The following AGAP3 variants were observed in gnomAD, a reference collection of about 807,000 sequenced individuals.
AGAP3 encodes the protein arf-GAP with GTPase, ANK repeat and PH domain-containing protein 3.
Under a neutral mutation model 96.9 loss-of-function variants are expected in AGAP3, and 24 were observed. The ratio of observed to expected loss-of-function variants is 0.25; its 90% confidence interval spans 0.18 to 0.35. The LOEUF is 0.35. AGAP3 is among the 10% of genes least tolerant of loss of function. The pLI, the probability that AGAP3 is intolerant of heterozygous loss-of-function variation, is 1.00. For synonymous variants in AGAP3, 563 were observed against 536.1 expected (o/e 1.05, Z -0.69); for missense variants, 876 against 1,254.2 (o/e 0.70, Z 4.55).
chr7:151,138,454 G>T, intron 12 of AGAP3, 141 bp downstream of exon 12: 2 of 1,000,536 alleles, frequency 2.0e-6, no homozygotes, highest in Non-Finnish European at 2.8e-6. Context: ...GGGCCCTCCT[G>T]GGCTTGTCAG....
rs758476423 is a variant in AGAP3 at position 151,117,409 on chromosome 7, A to G, written c.517A>G (p.Ser173Gly). ...GAAGGAGATTGTGGTGGATGGCCAG[A>G]GTTACCTGCTGCTGATCCGAGATGA... Reference protein sequence around the residue: ...FKKEIVVDGQSYLLLIRDEGG... With the variant: ...FKKEIVVDGQGYLLLIRDEGG... The change falls in exon 4 of 18, where the codon AGT (serine) becomes GGT (glycine). Residue 173 changes from serine to glycine, a missense_variant. Coordinates refer to ENST00000397238, the MANE Select transcript of AGAP3 (RefSeq NM_031946.7). 7 of 1,614,152 alleles carry G rather than the reference A, an allele frequency of 4.3e-6. No individual in the cohort carries two copies. Among genetic ancestry groups the G allele is most frequent in the Non-Finnish European group, 4.2e-6 (5 of 1,180,010 alleles).
In AGAP3 at chr7:151,123,086, G is replaced by A. The variant is rs1357702390; in HGVS notation, c.1129-708G>A. On this transcript the variant is annotated intron_variant, in intron 8 of 17. Coordinates refer to ENST00000397238, the MANE Select transcript of AGAP3 (RefSeq NM_031946.7). ...CGCGACGAGGCCCAGAGGGGCGGGG[G>A]AGTCCAAGCCCGCCCGGCCCGGCTG... 2.5e-6 allele frequency: 3 copies of A among 1,209,680 alleles called. No homozygotes were observed. The East Asian group carries it at 1.4e-4, about 55-fold the overall frequency. 74.9% of individuals were successfully genotyped at this position (1,209,680 alleles called of 1,614,324 possible). A position where few individuals can be genotyped will look rare whatever the true frequency, so the allele number is the denominator to read the frequency against.
chr7:151,116,885 G>A, intron 2 of AGAP3, 34 bp downstream of exon 2: 1 of 1,604,398 alleles, frequency 6.2e-7, no homozygotes, highest in Non-Finnish European at 8.5e-7. Flanking sequence ...CCGGCGGCCT[G>A]GAGCTGGGGG....
At chr7:151,124,426 T>G (rs570252391) in intron 9 of AGAP3, among the ~76,000 whole-genome samples, 4 of 152,254 alleles carry the variant, frequency 2.6e-5, no homozygotes, top group African/African-American at 9.6e-5. Flanking sequence ...ATTCCTGCAG[T>G]GGACACGGCA....
chr7:151,105,633 A>T (rs1401562171), intron 1 of AGAP3, among the ~76,000 whole-genome samples: 2 of 151,256 alleles, frequency 1.3e-5, no homozygotes, highest in Non-Finnish European at 2.9e-5. Context: ...GGCATAGCTG[A>T]CACACACCTG....
intron 8 of AGAP3, chr7:151,120,500 G>A (rs544115800): frequency 1.4e-6 from 1 of 692,854 alleles, no homozygotes; most frequent in Non-Finnish European, 2.4e-6. Context: ...TAACTCCCCT[G>A]ACCCCCTTTG....
intron 9 of AGAP3, chr7:151,128,211 AG>A: frequency 4.5e-6 from 1 of 224,220 alleles, no homozygotes; most frequent in South Asian, 8.0e-5. Context: ...TACACCCCTG[AG>A]CGTCTACTCC....
At chr7:151,110,082 G>C (rs188626823) in intron 1 of AGAP3, among the ~76,000 whole-genome samples, 3 of 152,198 alleles carry the variant, frequency 2.0e-5, no homozygotes, top group Non-Finnish European at 4.4e-5. Context: ...AGGGTGCGCC[G>C]TGCCTTTCAA....
At chr7:151,106,707 C>T (rs1301034686) in intron 1 of AGAP3, among the ~76,000 whole-genome samples, 4 of 152,148 alleles carry the variant, frequency 2.6e-5, no homozygotes, top group Non-Finnish European at 5.9e-5. Flanking sequence ...GAACTCCTGA[C>T]CTCAGGTGAT....
intron 11 of AGAP3, 105 bp downstream of exon 11, chr7:151,134,673 G>A: frequency 8.3e-7 from 1 of 1,199,866 alleles, no homozygotes; most frequent in Non-Finnish European, 1.2e-6. Context: ...CAGGGTGCTG[G>A]CCAGCATCAC....
At position 151,140,360 on chromosome 7, in the gene AGAP3, G is replaced by A. The variant is rs1800771702; in HGVS notation, c.1804+244G>A. The A allele has an allele frequency of 5.6e-6, 2 of 357,264 alleles. No individual in the cohort carries two copies. Among genetic ancestry groups the A allele is most frequent in the Non-Finnish European group, 9.8e-6 (2 of 205,040 alleles). 22.1% of individuals were successfully genotyped at this position (357,264 alleles called of 1,614,324 possible). On this transcript the variant is annotated intron_variant, in intron 13 of 17. Coordinates refer to ENST00000397238, the MANE Select transcript of AGAP3 (RefSeq NM_031946.7). This position sits in a 1 kb window ranked among gnomAD's most constrained non-coding sequence, Gnocchi z 5.4. ...TGGGCTTACTTCATTTATTCTTAAG[G>A]TAAAAGACAGCAGACTGCTACATCA...
At position 151,144,361 on chromosome 7, in the gene AGAP3, T is replaced by C; in HGVS notation, c.*418T>C. On this transcript the variant is annotated 3_prime_UTR_variant, in exon 18 of 18. Coordinates refer to ENST00000397238, the MANE Select transcript of AGAP3 (RefSeq NM_031946.7). The stretch of plus-strand genomic sequence containing the variant: ...GTGAGTCCCATGTAAACTTTGTACA[T>C]TGGAATATTTATGTTTGTGTACATA... The C allele has an allele frequency of 4.6e-6, 1 of 219,206 alleles. No individual in the cohort carries two copies. Among genetic ancestry groups the C allele is most frequent in the Non-Finnish European group, 9.1e-6 (1 of 109,838 alleles). 13.6% of individuals were successfully genotyped at this position (219,206 alleles called of 1,614,324 possible). A position where few individuals can be genotyped will look rare whatever the true frequency, so the allele number is the denominator to read the frequency against.
At position 151,108,185 on chromosome 7, in the gene AGAP3, A is replaced by G. The variant is rs10952302; in HGVS notation, c.332-8608A>G. Among the ~76,000 whole-genome samples, 113,334 of 152,150 alleles carry G rather than the reference A, an allele frequency of 0.74. 42,396 individuals carry two copies. The highest frequency in any genetic ancestry group is 0.98 in the East Asian group (5,076 of 5,174). ...CAGGAGGCCAGATGGGGGACATGCT[A>G]AGGGACCGAGTCTTCGAGGGGAGGG... On this transcript the variant is annotated intron_variant, in intron 1 of 17. Transcript: ENST00000397238. This position sits in a 1 kb window ranked among gnomAD's most constrained non-coding sequence, Gnocchi z 4.2.
At chr7:151,130,081 C>T (rs566129488) in intron 10 of AGAP3, among the ~76,000 whole-genome samples, 2 of 152,338 alleles carry the variant, frequency 1.3e-5, no homozygotes, top group South Asian at 2.1e-4. Flanking sequence ...CTGCCCACCT[C>T]GGTGGCGGAG....
Position 151,141,689 on chromosome 7 carries a change from A to G in AGAP3, c.1805-209A>G, listed in dbSNP as rs1360295548. ...ACTTAAGCTCCACAGGTGGTTAGGA[A>G]TGAGAACTGGGAGCTCACACTAGTC... is the stretch of plus-strand genomic sequence containing the variant. On this transcript the variant is annotated intron_variant, in intron 13 of 17. Transcript: ENST00000397238. The surrounding 1 kb of genome is among the most constrained non-coding windows in gnomAD (Gnocchi z 4.2). The G allele has an allele frequency of 3.3e-6, 2 of 598,274 alleles. No individual in the cohort carries two copies. The highest frequency in any genetic ancestry group is 1.9e-5 in the African/African-American group (1 of 53,864). 37.1% of individuals were successfully genotyped at this position (598,274 alleles called of 1,614,324 possible). A position where few individuals can be genotyped will look rare whatever the true frequency, so the allele number is the denominator to read the frequency against.
intron 1 of AGAP3, among the ~76,000 whole-genome samples, chr7:151,113,415 C>T (rs750476625): frequency 6.2e-4 from 94 of 152,190 alleles, no homozygotes; most frequent in Non-Finnish European, 1.1e-3. Flanking sequence ...GAATTTCCAG[C>T]GCTCTTTTCT....
intron 9 of AGAP3, among the ~76,000 whole-genome samples, chr7:151,124,435 C>T (rs775767985): frequency 2.0e-5 from 3 of 152,276 alleles, no homozygotes; most frequent in Admixed American, 6.5e-5. Context: ...GTGGACACGG[C>T]ATTGCCCCAC....
At chr7:151,116,718 G>A (rs1196082112) in intron 1 of AGAP3, 75 bp from the exon 2 acceptor site, 5 of 1,560,332 alleles carry the variant, frequency 3.2e-6, no homozygotes, top group Admixed American at 1.7e-5. Flanking sequence ...GGCATCATAG[G>A]TGACACAGGC....
chr7:151,099,817 TTTTG>T (rs1554462036), intron 1 of AGAP3, among the ~76,000 whole-genome samples: 7 of 152,238 alleles, frequency 4.6e-5, no homozygotes, highest in South Asian at 2.1e-4. Flanking sequence ...GTAAGGTTTT[TTTTG>T]TTTGTTTGTT....
Sources: allele counts gnomAD v4.1 joint callset (sites outside exome capture counted in the v4.1 genomes callset), GRCh38; gene constraint gnomAD v4.1.1; non-coding constraint Gnocchi (gnomAD v3.1); transcripts MANE v1.5; gene names NCBI Gene and HGNC (gene_info 2026-07-23, HGNC 2026-07-21).